The following PTPRD variants were observed in gnomAD, a reference collection of about 807,000 sequenced individuals.
The protein encoded by PTPRD is protein tyrosine phosphatase receptor type D.
Under a neutral mutation model 214.5 loss-of-function variants are expected in PTPRD, and 34 were observed. The observed-to-expected ratio is 0.16, with a 90% CI of 0.12 to 0.21. The LOEUF (loss-of-function observed/expected upper bound fraction) is 0.21. Among genes scored for constraint, PTPRD ranks in the 10% least tolerant of loss-of-function variants. The probability of loss-of-function intolerance (pLI) is 1.00; values close to 1 mark genes in which losing one functional copy is unlikely to be tolerated. For synonymous variants in PTPRD, 1,128 were observed against 845.7 expected (o/e 1.33, Z -5.79); for missense variants, 2,545 against 2,398.7 (o/e 1.06, Z -1.27).
chr9:9,597,927 C>T (rs1286783596), intron 7 of PTPRD, among the ~76,000 whole-genome samples: 1 of 151,872 alleles, frequency 6.6e-6, no homozygotes, highest in Non-Finnish European at 1.5e-5. Flanking sequence ...CTGTGATATC[C>T]AAACTAATGT....
chr9:9,390,332 G>C (rs775361333), intron 9 of PTPRD, among the ~76,000 whole-genome samples: 1 of 152,084 alleles, frequency 6.6e-6, no homozygotes, highest in Non-Finnish European at 1.5e-5. Context: ...AAGATTATGT[G>C]AATTAGAATA....
At chr9:9,976,689 C>A (rs1352259964) in intron 4 of PTPRD, among the ~76,000 whole-genome samples, 170 of 62,898 alleles carry the variant, frequency 2.7e-3, no homozygotes, top group African/African-American at 2.8e-3. Context: ...ACCCTGCCAC[C>A]AAAAAAAAAA....
At chr9:8,996,782 C>T (rs892170643) in intron 11 of PTPRD, among the ~76,000 whole-genome samples, 1 of 151,994 alleles carries the variant, frequency 6.6e-6, no homozygotes, top group African/African-American at 2.4e-5. Flanking sequence ...ATCACCTCCC[C>T]AAGGCCCTAC....
intron 7 of PTPRD, among the ~76,000 whole-genome samples, chr9:9,678,929 T>C (rs995102506): frequency 1.3e-5 from 2 of 151,574 alleles, no homozygotes; most frequent in African/African-American, 4.8e-5. Context: ...TGCCAGAAAA[T>C]GAAGTCCACC....
At chr9:10,558,790 G>T (rs539707210) in intron 2 of PTPRD, among the ~76,000 whole-genome samples, 1 of 152,142 alleles carries the variant, frequency 6.6e-6, no homozygotes, top group African/African-American at 2.4e-5. Context: ...TGAGAATTTT[G>T]TAAGCATGTA....
At chr9:10,147,286 T>C (rs1592368373) in intron 3 of PTPRD, among the ~76,000 whole-genome samples, 1 of 152,070 alleles carries the variant, frequency 6.6e-6, no homozygotes, top group Non-Finnish European at 1.5e-5. Flanking sequence ...TATTATACTT[T>C]AAGTTTTAGG....
intron 9 of PTPRD, among the ~76,000 whole-genome samples, chr9:9,239,891 C>T (rs937306938): frequency 2.6e-5 from 4 of 152,238 alleles, no homozygotes; most frequent in South Asian, 2.1e-4. Flanking sequence ...TGCAGGCACA[C>T]TGGGCACCAT....
chr9:8,937,694 C>T (rs1423217107), intron 11 of PTPRD, among the ~76,000 whole-genome samples: 1 of 152,146 alleles, frequency 6.6e-6, no homozygotes, highest in Non-Finnish European at 1.5e-5. Flanking sequence ...AATGCTTGAA[C>T]TTTGGAGCCT....
At chr9:9,073,725 A>G (rs1245290787) in intron 10 of PTPRD, among the ~76,000 whole-genome samples, 2 of 152,130 alleles carry the variant, frequency 1.3e-5, no homozygotes, top group Non-Finnish European at 2.9e-5. Flanking sequence ...TATGTAAATC[A>G]ATTTCTTAAA....
chr9:9,732,797 A>G (rs1273794365), intron 7 of PTPRD, among the ~76,000 whole-genome samples: 1 of 152,068 alleles, frequency 6.6e-6, no homozygotes, highest in Non-Finnish European at 1.5e-5. Flanking sequence ...AAAAATCATT[A>G]AGGCAGCCAG....
chr9:9,837,649 C>A (rs1371961641), intron 5 of PTPRD, among the ~76,000 whole-genome samples: 1 of 152,028 alleles, frequency 6.6e-6, no homozygotes, highest in Non-Finnish European at 1.5e-5. Flanking sequence ...TGTCAAAGGC[C>A]CTGCAGTGTC....
chr9:8,989,780 T>C (rs2099359269), intron 11 of PTPRD, among the ~76,000 whole-genome samples: 1 of 152,270 alleles, frequency 6.6e-6, no homozygotes, highest in East Asian at 1.9e-4. Flanking sequence ...GCTCAAAAGA[T>C]AGATAACGTG....
intron 9 of PTPRD, among the ~76,000 whole-genome samples, chr9:9,183,735 T>G (rs1221906421): frequency 6.6e-6 from 1 of 152,032 alleles, no homozygotes; most frequent in Non-Finnish European, 1.5e-5. Flanking sequence ...ACATAATACA[T>G]TTCAGAATAT....
chr9:10,386,387 T>C (rs959435402), intron 2 of PTPRD, among the ~76,000 whole-genome samples: 12 of 151,912 alleles, frequency 7.9e-5, no homozygotes, highest in Admixed American at 2.6e-4. Flanking sequence ...TTTTCCTATA[T>C]TTATCTCTTC....
chr9:8,805,462 T>A (rs4562389), intron 11 of PTPRD, among the ~76,000 whole-genome samples: 1 of 151,604 alleles, frequency 6.6e-6, no homozygotes, highest in African/African-American at 2.4e-5. Flanking sequence ...AGAAAGCCAG[T>A]GGCTTGCCAA....
chr9:10,548,277 A>T (rs370559393), intron 2 of PTPRD, among the ~76,000 whole-genome samples: 59 of 152,270 alleles, frequency 3.9e-4, no homozygotes, highest in African/African-American at 1.4e-3. Context: ...CTCTCTATAT[A>T]TAAGTTGTTG....
At chr9:9,593,779 G>C (rs2093008297) in intron 7 of PTPRD, among the ~76,000 whole-genome samples, 1 of 152,002 alleles carries the variant, frequency 6.6e-6, no homozygotes, top group South Asian at 2.1e-4. Context: ...GCCACAATTG[G>C]AGTAAGAATT....
chr9:8,654,612 C>A (rs1268468387), intron 12 of PTPRD, among the ~76,000 whole-genome samples: 1 of 152,064 alleles, frequency 6.6e-6, no homozygotes, highest in Non-Finnish European at 1.5e-5. Context: ...AAGATACATA[C>A]AAAGATTATA....
intron 8 of PTPRD, among the ~76,000 whole-genome samples, chr9:9,441,817 A>C (rs760888172): frequency 1.1e-4 from 17 of 152,272 alleles, no homozygotes; most frequent in South Asian, 2.1e-4. Context: ...CAAGCTTTGC[A>C]GAATGGTGTC....
Sources: gnomAD v4.1 joint callset for allele counts (sites outside exome capture counted in the v4.1 genomes callset) on GRCh38, gnomAD v4.1.1 for gene constraint, MANE v1.5 for transcripts, NCBI Gene and HGNC (gene_info 2026-07-23, HGNC 2026-07-21) for gene names.